Variants in ATF7IP observed in about 807,000 individuals in gnomAD.
The protein encoded by ATF7IP is activating transcription factor 7 interacting protein.
ATF7IP carries 23 observed loss-of-function variants against 106.4 expected under a neutral mutation model. The ratio of observed to expected loss-of-function variants is 0.22; its 90% CI spans 0.16 to 0.31. The LOEUF is 0.31. Among genes scored for constraint, ATF7IP ranks in the 10% least tolerant of loss-of-function variants. ATF7IP has a pLI of 1.00. For synonymous variants in ATF7IP, 542 were observed against 539.0 expected (o/e 1.01, Z -0.08); for missense variants, 1,334 against 1,524.3 (o/e 0.88, Z 2.08).
At chr12:14,465,768 G>T (rs1305477097) in intron 9 of ATF7IP, among the ~76,000 whole-genome samples, 1 of 151,904 alleles carries the variant, frequency 6.6e-6, no homozygotes, top group Non-Finnish European at 1.5e-5. Flanking sequence ...TGTTTACTCT[G>T]TATGCATTCT....
intron 11 of ATF7IP, among the ~76,000 whole-genome samples, chr12:14,477,332 G>T (rs530466179): frequency 6.6e-6 from 1 of 152,204 alleles, no homozygotes; most frequent in South Asian, 2.1e-4. Context: ...CCTTCATCCG[G>T]GTTGAACTCA....
At chr12:14,493,991 G>A (rs927350269) in intron 13 of ATF7IP, among the ~76,000 whole-genome samples, 2 of 151,828 alleles carry the variant, frequency 1.3e-5, no homozygotes, top group Non-Finnish European at 2.9e-5. Context: ...TATGGTCCAA[G>A]GTATTATGTA....
At chr12:14,411,040 TA>T (rs1387032648) in intron 1 of ATF7IP, among the ~76,000 whole-genome samples, 1 of 152,202 alleles carries the variant, frequency 6.6e-6, no homozygotes, top group Non-Finnish European at 1.5e-5. Flanking sequence ...ACAGGGCATT[TA>T]GGTTGTTTCC....
rs374719436 is a variant in ATF7IP, at chr12:14,424,824, T to A, written c.909T>A (p.Ile303=). 117 of 1,613,878 alleles carry A rather than the reference T, an allele frequency of 7.2e-5. No individual in the cohort carries two copies. The highest frequency in any genetic ancestry group is 9.3e-5 in the Non-Finnish European group (110 of 1,180,012). ...CAGTTTGTGAACCAGTTCCTGAAAT[T>A]GACAATATAGAACCAAGTAGCAATA... ...SVPVCEPVPE[I]DNIEPSSNKD... Residue 303 remains isoleucine (I), a synonymous_variant, in exon 2 of 15, where the codon ATT becomes ATA. Transcript: ENST00000261168.
chr12:14,390,915 C>A (rs956958455), intron 1 of ATF7IP, among the ~76,000 whole-genome samples: 5 of 152,184 alleles, frequency 3.3e-5, no homozygotes, highest in Non-Finnish European at 7.3e-5. Context: ...AATAATACCA[C>A]GACATTGGTA....
At chr12:14,402,451 T>C (rs1311989481) in intron 1 of ATF7IP, among the ~76,000 whole-genome samples, 1 of 151,762 alleles carries the variant, frequency 6.6e-6, no homozygotes. Context: ...AAAATTCCCC[T>C]TTTTTTTCTT....
In ATF7IP at chr12:14,481,134, C is replaced by A. The variant is rs997845627; in HGVS notation, c.3229C>A (p.Arg1077=). 1.9e-6 allele frequency: 3 copies of A among 1,613,822 alleles called. No individual in the cohort carries two copies. Among genetic ancestry groups the A allele is most frequent in the Admixed American group, 1.7e-5 (1 of 59,986 alleles). Residue 1077 remains arginine, a synonymous_variant, in exon 13 of 15, where the codon CGA becomes AGA. Coordinates refer to ENST00000261168, the MANE Select transcript of ATF7IP (RefSeq NM_018179.5). ...LPAPPAQAPL[R]GTVMQAPAVR... Reference sequence around the variant, plus strand: ...TGCACCACCAGCTCAGGCTCCCTTGCGAGGAACTGTTATGCAGGCTCCTGC... The same window carrying A: ...TGCACCACCAGCTCAGGCTCCCTTGAGAGGAACTGTTATGCAGGCTCCTGC...
intron 13 of ATF7IP, chr12:14,482,538 G>C (rs1047994927): frequency 6.6e-6 from 1 of 152,164 alleles, no homozygotes; most frequent in East Asian, 1.9e-4. Context: ...TGATTAGATT[G>C]TGCCCACCAG....
At chr12:14,374,683 C>A (rs891705793) in intron 1 of ATF7IP, among the ~76,000 whole-genome samples, 1 of 152,016 alleles carries the variant, frequency 6.6e-6, no homozygotes, top group Admixed American at 6.6e-5. Context: ...ATAGTATGTT[C>A]AAAATCTTAG....
intron 10 of ATF7IP, among the ~76,000 whole-genome samples, chr12:14,472,865 A>T (rs1224076516): frequency 6.6e-6 from 1 of 152,118 alleles, no homozygotes; most frequent in Non-Finnish European, 1.5e-5. Context: ...TGCTAAAATG[A>T]AATACCTGAG....
chr12:14,457,964 G>C (rs868196077), intron 8 of ATF7IP, among the ~76,000 whole-genome samples: 1 of 151,592 alleles, frequency 6.6e-6, no homozygotes, highest in Non-Finnish European at 1.5e-5. Context: ...CATGATGGCT[G>C]GTGCCTGTAA....
chr12:14,424,624 G>T lies in ATF7IP; in HGVS notation c.709G>T (p.Val237Phe). 6.2e-7 allele frequency: 1 copy of T among 1,614,102 alleles called. No homozygotes were observed. The highest frequency in any genetic ancestry group is 1.1e-5 in the South Asian group (1 of 91,084). Reference protein sequence around the residue: ...DDIASSEITSVDLASGAPAST... With the variant: ...DDIASSEITSFDLASGAPAST... ...TATAGCCTCTAGTGAAATAACTTCT[G>T]TTGATCTGGCTTCTGGAGCACCAGC... Residue 237 changes from valine (V) to phenylalanine (F), a missense_variant, in exon 2 of 15, where the codon GTT (valine) becomes TTT (phenylalanine). Physicochemically the swap from Val to Phe is conservative, Grantham distance 50. This residue lies in a region of ATF7IP where 438 missense variants were observed against 405.3 expected (regional missense o/e 1.08). Coordinates refer to ENST00000261168, the MANE Select transcript of ATF7IP (RefSeq NM_018179.5).
intron 13 of ATF7IP, among the ~76,000 whole-genome samples, chr12:14,489,535 A>G (rs1273342256): frequency 6.6e-6 from 1 of 152,022 alleles, no homozygotes; most frequent in African/African-American, 2.4e-5. Flanking sequence ...TTCCACTTCC[A>G]CCCTCTGATT....
At chr12:14,488,345 G>A (rs1944695643) in intron 13 of ATF7IP, among the ~76,000 whole-genome samples, 1 of 152,124 alleles carries the variant, frequency 6.6e-6, no homozygotes, top group Admixed American at 6.6e-5. Flanking sequence ...AGGAAAGCTA[G>A]TCTGACACCC....
chr12:14,410,894 C>T (rs553833538), intron 1 of ATF7IP, among the ~76,000 whole-genome samples: 180 of 152,200 alleles, frequency 1.2e-3, no homozygotes, highest in Non-Finnish European at 2.1e-3. Flanking sequence ...TGTGGCCTTT[C>T]GTGACTGGCT....
chr12:14,402,123 C>CTT (rs1591796119), intron 1 of ATF7IP, among the ~76,000 whole-genome samples: 1 of 110,380 alleles, frequency 9.1e-6, no homozygotes, highest in Non-Finnish European at 1.9e-5. Context: ...TTCTTTTCTT[C>CTT]TTTCTTTTTT....
chr12:14,369,136 A>G (rs1019204473), intron 1 of ATF7IP: 3 of 142,914 alleles, frequency 2.1e-5, no homozygotes, highest in Non-Finnish European at 3.0e-5. Context: ...TTTTTTTTTA[A>G]TAAACAAAGC....
rs527716698 is a variant in ATF7IP, at chr12:14,492,915, G to T, written c.3281-3316G>T. Among the ~76,000 whole-genome samples, 5 of 152,246 alleles carry T rather than the reference G, an allele frequency of 3.3e-5. No individual in the cohort carries two copies. In the South Asian group the frequency reaches 1.0e-3, roughly 32 times the overall value. ...GGTGCTGCCCTCACAAATCTGTTTCGCAAGGCATTGGTCAAGGGTATATCT... is the reference window on the plus strand; with the variant it reads ...GGTGCTGCCCTCACAAATCTGTTTCTCAAGGCATTGGTCAAGGGTATATCT... On this transcript the variant is annotated intron_variant, in intron 13 of 14. Coordinates refer to ENST00000261168, the MANE Select transcript of ATF7IP (RefSeq NM_018179.5).
At chr12:14,448,971 G>A (rs1315038375) in intron 6 of ATF7IP, among the ~76,000 whole-genome samples, 1 of 152,010 alleles carries the variant, frequency 6.6e-6, no homozygotes, top group Non-Finnish European at 1.5e-5. Flanking sequence ...GTCTCTTCGG[G>A]TTCATTGCCT....
Sources: gnomAD v4.1 joint callset for allele counts (sites outside exome capture counted in the v4.1 genomes callset) on GRCh38, gnomAD v4.1.1 for gene constraint, gnomAD v4.1.1 regional missense constraint, MANE v1.5 for transcripts, NCBI Gene and HGNC (gene_info 2026-07-23, HGNC 2026-07-21) for gene names.